Variants in WWOX observed in about 807,000 individuals in gnomAD.
The protein encoded by WWOX is WW domain-containing oxidoreductase.
WWOX carries 69 observed loss-of-function variants against 46.2 expected under a neutral mutation model. The ratio of observed to expected loss-of-function variants is 1.49; its 90% confidence interval spans 1.23 to 1.82. The LOEUF is 1.82. WWOX is among the 40% of genes most tolerant of loss of function. The probability of loss-of-function intolerance (pLI) is 0.00; values close to 1 mark genes in which losing one functional copy is unlikely to be tolerated. For synonymous variants in WWOX, 359 were observed against 202.6 expected (o/e 1.77, Z -6.56); for missense variants, 919 against 542.6 (o/e 1.69, Z -6.89).
At chr16:79,079,511 A>G (rs1022216809) in intron 8 of WWOX, among the ~76,000 whole-genome samples, 4 of 152,114 alleles carry the variant, frequency 2.6e-5, no homozygotes, top group Admixed American at 6.5e-5. Context: ...CCCCTGTTAC[A>G]TTCTTGAACC....
intron 8 of WWOX, among the ~76,000 whole-genome samples, chr16:79,086,155 A>G (rs1487607348): frequency 6.6e-6 from 1 of 152,194 alleles, no homozygotes; most frequent in African/African-American, 2.4e-5. Flanking sequence ...CTTTAAACGG[A>G]TCACATTGCC....
intron 5 of WWOX, among the ~76,000 whole-genome samples, chr16:78,369,416 C>T (rs1375716906): frequency 1.3e-5 from 2 of 152,070 alleles, no homozygotes; most frequent in Admixed American, 6.6e-5. Context: ...AAGACTTATT[C>T]CAGATTATAA....
At chr16:78,528,585 C>T (rs142141367) in intron 8 of WWOX, among the ~76,000 whole-genome samples, 2 of 152,244 alleles carry the variant, frequency 1.3e-5, no homozygotes, top group Non-Finnish European at 2.9e-5. Context: ...GGTACTAAGT[C>T]ATCGTTATAA....
intron 8 of WWOX, among the ~76,000 whole-genome samples, chr16:78,773,631 C>G (rs1383585006): frequency 6.6e-6 from 1 of 152,164 alleles, no homozygotes; most frequent in African/African-American, 2.4e-5. Flanking sequence ...GCAGGTGCCT[C>G]TCATTGTTTT....
intron 5 of WWOX, among the ~76,000 whole-genome samples, chr16:78,196,187 C>A (rs565071735): frequency 3.9e-5 from 6 of 152,264 alleles, no homozygotes; most frequent in South Asian, 4.1e-4. Flanking sequence ...ATGATTGTAC[C>A]TTTTAGCCAT....
chr16:78,967,252 C>T (rs1353593429), intron 8 of WWOX, among the ~76,000 whole-genome samples: 1 of 147,014 alleles, frequency 6.8e-6, no homozygotes, highest in African/African-American at 2.5e-5. Flanking sequence ...TAGCCCCAAA[C>T]AACTGGGAGG....
At chr16:78,398,009 A>G (rs1380543571) in intron 6 of WWOX, among the ~76,000 whole-genome samples, 1 of 152,212 alleles carries the variant, frequency 6.6e-6, no homozygotes, top group African/African-American at 2.4e-5. Context: ...TGTCATTTGC[A>G]TCATCTTTAT....
intron 8 of WWOX, among the ~76,000 whole-genome samples, chr16:79,176,111 G>C (rs2050795097): frequency 6.6e-6 from 1 of 152,202 alleles, no homozygotes; most frequent in Non-Finnish European, 1.5e-5. Context: ...TTGCACACCT[G>C]TGTTGCAAAT....
chr16:78,520,699 G>A (rs916840854), intron 8 of WWOX, among the ~76,000 whole-genome samples: 1 of 151,948 alleles, frequency 6.6e-6, no homozygotes, highest in Non-Finnish European at 1.5e-5. Context: ...CGTGGGGAGA[G>A]CTTCATGAAT....
intron 8 of WWOX, among the ~76,000 whole-genome samples, chr16:78,964,026 C>T (rs1036677531): frequency 2.0e-5 from 3 of 152,196 alleles, no homozygotes; most frequent in South Asian, 2.1e-4. Flanking sequence ...ATTCTGAGAC[C>T]TCCCCAGCCA....
intron 8 of WWOX, among the ~76,000 whole-genome samples, chr16:78,527,646 C>T (rs1029583875): frequency 1.3e-5 from 2 of 152,110 alleles, no homozygotes; most frequent in African/African-American, 2.4e-5. Context: ...ATGTGTCAGT[C>T]CTACTATGCA....
At chr16:78,787,489 A>G in intron 8 of WWOX, among the ~76,000 whole-genome samples, 1 of 152,204 alleles carries the variant, frequency 6.6e-6, no homozygotes, top group South Asian at 2.1e-4. Context: ...TGTAGAATGT[A>G]TCAGTACTTC....
At chr16:78,220,538 C>T (rs2036855129) in intron 5 of WWOX, among the ~76,000 whole-genome samples, 1 of 152,092 alleles carries the variant, frequency 6.6e-6, no homozygotes, top group Admixed American at 6.5e-5. Context: ...GCTTTCTGTT[C>T]AGTTTAACCA....
intron 8 of WWOX, among the ~76,000 whole-genome samples, chr16:79,164,269 G>C (rs1451878243): frequency 6.6e-6 from 1 of 152,190 alleles, no homozygotes; most frequent in Non-Finnish European, 1.5e-5. Context: ...ACTTAGCTCA[G>C]AGTTTGTTTT....
At chr16:78,589,593 G>A (rs1007940796) in intron 8 of WWOX, among the ~76,000 whole-genome samples, 1 of 152,132 alleles carries the variant, frequency 6.6e-6, no homozygotes, top group African/African-American at 2.4e-5. Context: ...CCTTGGTTAA[G>A]TTACAGTAGA....
chr16:78,848,386 G>A (rs1005530798), intron 8 of WWOX, among the ~76,000 whole-genome samples: 25 of 152,144 alleles, frequency 1.6e-4, no homozygotes, highest in African/African-American at 6.0e-4. Flanking sequence ...GTTGGAACTT[G>A]GCTTTTGGAC....
At position 78,625,986 on chromosome 16, in the gene WWOX, C is replaced by G. The variant is rs149940082; in HGVS notation, c.1056+193234C>G. On this transcript the variant is annotated intron_variant, in intron 8 of 8. Coordinates refer to ENST00000566780, the MANE Select transcript of WWOX (RefSeq NM_016373.4). ...CATTACTTAAAAGTAATGGCACCAA[C>G]CTAATATTGTTATTACTTTTTACCA... is the stretch of plus-strand genomic sequence containing the variant. 3.6e-3 allele frequency among the ~76,000 whole-genome samples: 539 copies of G among 151,400 alleles called. 3 individuals are homozygous for G. Among genetic ancestry groups the G allele is most frequent in the African/African-American group, 0.012 (512 of 41,340 alleles).
chr16:78,662,894 T>A (rs2142177289), intron 8 of WWOX, among the ~76,000 whole-genome samples: 1 of 152,310 alleles, frequency 6.6e-6, no homozygotes, highest in East Asian at 1.9e-4. Flanking sequence ...AGCTGACTTT[T>A]GTCCAAGTGA....
At chr16:78,405,842 C>G (rs962089855) in intron 6 of WWOX, among the ~76,000 whole-genome samples, 1 of 152,090 alleles carries the variant, frequency 6.6e-6, no homozygotes, top group African/African-American at 2.4e-5. Flanking sequence ...TATTCACTTT[C>G]CTGAGGGCCA....
Sources: allele counts gnomAD v4.1 joint callset (sites outside exome capture counted in the v4.1 genomes callset), GRCh38; gene constraint gnomAD v4.1.1; transcripts MANE v1.5; gene names NCBI Gene and HGNC (gene_info 2026-07-23, HGNC 2026-07-21).